ME1: variants seen among roughly 807,000 people sequenced by gnomAD.
ME1 encodes the protein NADP-dependent malic enzyme.
A neutral mutation model predicts 66.4 loss-of-function variants in ME1; 74 were observed. The ratio of observed to expected loss-of-function variants is 1.11; its 90% CI spans 0.92 to 1.35. The LOEUF is 1.35. ME1 is among the 40% of genes most tolerant of loss of function. The probability of loss-of-function intolerance (pLI) is 0.00; values close to 1 mark genes in which losing one functional copy is unlikely to be tolerated. For synonymous variants in ME1, 251 were observed against 235.6 expected (o/e 1.07, Z -0.60); for missense variants, 750 against 694.1 (o/e 1.08, Z -0.90).
chr6:83,400,258 T>G (rs1012150234), intron 2 of ME1, among the ~76,000 whole-genome samples: 1 of 152,126 alleles, frequency 6.6e-6, no homozygotes, highest in African/African-American at 2.4e-5. Context: ...CACCAATCCC[T>G]TTGTGATGAG....
intron 12 of ME1, among the ~76,000 whole-genome samples, chr6:83,219,455 C>A (rs1790046788): frequency 6.6e-6 from 1 of 152,154 alleles, no homozygotes; most frequent in Non-Finnish European, 1.5e-5. Flanking sequence ...TTTTAGACCT[C>A]AGTTTTCTCA....
chr6:83,228,886 G>A lies in ME1; in HGVS notation c.1072C>T (p.His358Tyr). The change falls in exon 10 of 14, where the codon CAT becomes TAT. Residue 358 changes from histidine to tyrosine, a missense_variant. By Grantham distance (83) the His-to-Tyr change is moderately conservative (BLOSUM62 2). Coordinates refer to ENST00000369705, the MANE Select transcript of ME1 (RefSeq NM_002395.6). Reference protein sequence around the residue: ...TQEKEKFAHEHEEMKNLEAIV... With the variant: ...TQEKEKFAHEYEEMKNLEAIV... ...GCTTCTAGGTTCTTCATTTCTTCAT[G>A]TTCATGGGCAAACTTCTCTTTCTCT... 1 of 1,613,258 alleles carries A rather than the reference G, an allele frequency of 6.2e-7. No homozygotes were observed. Among genetic ancestry groups the A allele is most frequent in the Non-Finnish European group, 8.5e-7 (1 of 1,179,806 alleles).
At chr6:83,262,363 T>C (rs1245867653) in intron 6 of ME1, among the ~76,000 whole-genome samples, 1 of 152,192 alleles carries the variant, frequency 6.6e-6, no homozygotes, top group African/African-American at 2.4e-5. Context: ...TAAAATGCCT[T>C]CATATAAGGG....
At chr6:83,404,428 A>T (rs1769896733) in intron 2 of ME1, among the ~76,000 whole-genome samples, 1 of 152,106 alleles carries the variant, frequency 6.6e-6, no homozygotes, top group Non-Finnish European at 1.5e-5. Flanking sequence ...AGATTGCAAA[A>T]ATTTTCTCCA....
At chr6:83,324,716 CAA>C (rs55866196) in intron 5 of ME1, among the ~76,000 whole-genome samples, 732 of 49,264 alleles carry the variant, frequency 0.015, 3 homozygotes, top group East Asian at 0.064. Context: ...GCCTACCAAC[CAA>C]AAAAAAAAAA....
At chr6:83,392,354 G>T (rs1365332747) in intron 3 of ME1, 1 of 519,076 alleles carries the variant, frequency 1.9e-6, no homozygotes, top group Admixed American at 2.0e-5. Flanking sequence ...CCATGGCACC[G>T]TCAAGGCTGA....
chr6:83,253,381 A>G (rs1790755534), intron 7 of ME1, among the ~76,000 whole-genome samples: 2 of 152,102 alleles, frequency 1.3e-5, no homozygotes, highest in African/African-American at 4.8e-5. Context: ...AGCCATAATC[A>G]CCAGGGATTT....
intron 1 of ME1, among the ~76,000 whole-genome samples, chr6:83,414,521 G>A (rs921487920): frequency 6.6e-6 from 1 of 151,936 alleles, no homozygotes; most frequent in Non-Finnish European, 1.5e-5. Context: ...TCACTTTATA[G>A]TACCCCAAAA....
chr6:83,264,172 A>G (rs1205735801), intron 6 of ME1, among the ~76,000 whole-genome samples: 1 of 152,220 alleles, frequency 6.6e-6, no homozygotes, highest in Non-Finnish European at 1.5e-5. Context: ...TCTGTGCTCT[A>G]TAAATGAAAC....
At chr6:83,295,948 C>T (rs953126655) in intron 6 of ME1, among the ~76,000 whole-genome samples, 1 of 152,052 alleles carries the variant, frequency 6.6e-6, no homozygotes, top group African/African-American at 2.4e-5. Flanking sequence ...GACATATAAA[C>T]TCTCCCAAGA....
intron 1 of ME1, among the ~76,000 whole-genome samples, chr6:83,422,875 A>G (rs558232736): frequency 1.1e-3 from 166 of 152,186 alleles, no homozygotes; most frequent in African/African-American, 3.7e-3. Flanking sequence ...CCTCAGGACA[A>G]TATCAAAAGG....
At chr6:83,392,154 G>T (rs1769634065) in intron 3 of ME1, among the ~76,000 whole-genome samples, 1 of 152,120 alleles carries the variant, frequency 6.6e-6, no homozygotes, top group Non-Finnish European at 1.5e-5. Context: ...CTCGTGCATT[G>T]CCAGCTGCAT....
chr6:83,281,836 G>GAAAAGAA, intron 6 of ME1, among the ~76,000 whole-genome samples: 1 of 64,240 alleles, frequency 1.6e-5, no homozygotes, highest in Non-Finnish European at 3.0e-5. Flanking sequence ...AAAAAAAAAA[G>GAAAAGAA]AAAAGAAAAC....
At chr6:83,307,471 T>C (rs147226544) in intron 6 of ME1, among the ~76,000 whole-genome samples, 7 of 152,108 alleles carry the variant, frequency 4.6e-5, no homozygotes, top group African/African-American at 7.2e-5. Flanking sequence ...CAGGGAAGAA[T>C]AGCAGGTGGA....
At chr6:83,279,805 T>C (rs768222869) in intron 6 of ME1, among the ~76,000 whole-genome samples, 26 of 151,846 alleles carry the variant, frequency 1.7e-4, no homozygotes, top group Non-Finnish European at 2.9e-5. Flanking sequence ...GCTGTATAAA[T>C]ACCAAATTAT....
rs9350980 is a variant in ME1 at position 83,384,186 on chromosome 6, C to T, written c.362+14181G>A. Among the ~76,000 whole-genome samples the T allele has an allele frequency of 2.3e-3, 350 of 151,808 alleles. 4 individuals are homozygous for T. In the East Asian group the frequency reaches 0.052, roughly 22 times the overall value. On this transcript the variant is annotated intron_variant, in intron 3 of 13. Transcript: ENST00000369705. ...GGTTTATTTTCCTTTGGGTATATAC[C>T]CAATAATGGGATTGCTGGGTTGAAT...
intron 7 of ME1, among the ~76,000 whole-genome samples, chr6:83,247,125 C>T (rs887382960): frequency 1.3e-5 from 2 of 151,936 alleles, no homozygotes; most frequent in Admixed American, 1.3e-4. Flanking sequence ...AAAATACTAA[C>T]AAGTCAAACT....
At chr6:83,321,768 C>A (rs563159366) in intron 5 of ME1, among the ~76,000 whole-genome samples, 2 of 152,338 alleles carry the variant, frequency 1.3e-5, no homozygotes, top group East Asian at 3.9e-4. Flanking sequence ...CTGAAGAGAG[C>A]AGCACATCTC....
At chr6:83,385,831 A>T (rs1769494170) in intron 3 of ME1, among the ~76,000 whole-genome samples, 1 of 151,918 alleles carries the variant, frequency 6.6e-6, no homozygotes, top group South Asian at 2.1e-4. Context: ...CAAGTCATAT[A>T]TACATTTTCA....
Sources: allele counts gnomAD v4.1 joint callset (sites outside exome capture counted in the v4.1 genomes callset), GRCh38; gene constraint gnomAD v4.1.1; transcripts MANE v1.5; gene names NCBI Gene and HGNC (gene_info 2026-07-23, HGNC 2026-07-21).